Variants in GSR observed in about 807,000 individuals in gnomAD.
The protein encoded by GSR is glutathione reductase, mitochondrial.
A neutral mutation model predicts 56.5 loss-of-function variants in GSR; 48 were observed. The ratio of observed to expected loss-of-function variants is 0.85; its 90% CI spans 0.67 to 1.08. The LOEUF (loss-of-function observed/expected upper bound fraction) is 1.08. Ranked by LOEUF, GSR falls within the 50% of genes least tolerant of loss-of-function variation. The pLI, the probability that GSR is intolerant of heterozygous loss-of-function variation, is 0.00. For missense variants in GSR, 694 were observed against 703.3 expected, an observed-to-expected ratio of 0.99 and a Z score of 0.15; for synonymous variants, 264 against 270.8, an observed-to-expected ratio of 0.97 and a Z score of 0.25.
chr8:30,716,207 GA>G (rs1398383262), intron 1 of GSR, among the ~76,000 whole-genome samples: 1 of 152,224 alleles, frequency 6.6e-6, no homozygotes, highest in Non-Finnish European at 1.5e-5. Flanking sequence ...GCCTGTCCAA[GA>G]TACTGACTCA....
chr8:30,713,934 A>G (rs1035285351), intron 1 of GSR, among the ~76,000 whole-genome samples: 3 of 152,218 alleles, frequency 2.0e-5, no homozygotes, highest in African/African-American at 7.2e-5. Flanking sequence ...GGAAGTAGTA[A>G]ATAGTTATAC....
At position 30,703,139 on chromosome 8, in the gene GSR, G is replaced by T; in HGVS notation, c.594C>A (p.Ile198=). The T allele has an allele frequency of 1.9e-6, 3 of 1,614,128 alleles. No individual in the cohort carries two copies. Among genetic ancestry groups the T allele is most frequent in the Non-Finnish European group, 2.5e-6 (3 of 1,180,004 alleles). ...GKKYTAPHIL[I]ATGGMPSTPH... ...GGGTGGAGGGCATACCACCTGTGGC[G>T]ATCAGGATGTGTGGGGCGGTGTACT... Residue 198 remains isoleucine (I), a synonymous_variant, in exon 5 of 13, where the codon ATC becomes ATA. Transcript: ENST00000221130.
At chr8:30,692,639 T>C (rs1803424750) in intron 8 of GSR, among the ~76,000 whole-genome samples, 1 of 151,542 alleles carries the variant, frequency 6.6e-6, no homozygotes. Context: ...GTAGCTGGGA[T>C]TACAGGTGCA....
intron 1 of GSR, among the ~76,000 whole-genome samples, chr8:30,717,659 C>A (rs1220982895): frequency 2.0e-5 from 3 of 152,064 alleles, no homozygotes; most frequent in African/African-American, 7.2e-5. Flanking sequence ...TGCTGATGAT[C>A]TGTCACTGTC....
At chr8:30,695,674 T>C (rs572264394) in intron 7 of GSR, among the ~76,000 whole-genome samples, 1 of 152,368 alleles carries the variant, frequency 6.6e-6, no homozygotes, top group Admixed American at 6.5e-5. Context: ...GCAAAGAATT[T>C]AGTAAATTGT....
intron 1 of GSR, among the ~76,000 whole-genome samples, chr8:30,726,713 G>A (rs8190888): frequency 6.6e-6 from 1 of 152,144 alleles, no homozygotes; most frequent in Non-Finnish European, 1.5e-5. Context: ...AGTGAGCTAT[G>A]ATGGCCACTG....
rs760023613 is a variant in GSR at position 30,680,982 on chromosome 8, A to G, written c.1341T>C (p.Phe447=). The stretch of plus-strand genomic sequence containing the variant: ...TGGTAACTGCGTGATACATCGGGGT[A>G]AAGCTCGTTGAATAGGTCTTCACAT... ...IENVKTYSTS[F]TPMYHAVTKR... is the part of the protein sequence containing the mutation. Residue 447 remains phenylalanine, a synonymous_variant, in exon 12 of 13, where the codon TTT becomes TTC. Transcript: ENST00000221130. 6.2e-7 allele frequency: 1 copy of G among 1,610,492 alleles called. No individual in the cohort carries two copies. Among genetic ancestry groups the G allele is most frequent in the Admixed American group, 1.7e-5 (1 of 59,998 alleles).
chr8:30,686,524 A>T lies in GSR; in HGVS notation c.1042-2325T>A, dbSNP rs556493103. Among the ~76,000 whole-genome samples the T allele has an allele frequency of 9.9e-4, 150 of 152,124 alleles. 1 individual carries two copies. In the South Asian group the frequency reaches 0.012, roughly 12 times the overall value. The stretch of plus-strand genomic sequence containing the variant: ...ACAGCGAGACCTTGTGTCTACAAAA[A>T]TTTTTTTTAAAAATTAGCCAGGTGT... On this transcript the variant is annotated intron_variant, in intron 9 of 12. Coordinates refer to ENST00000221130, the MANE Select transcript of GSR (RefSeq NM_000637.5).
chr8:30,713,952 C>G (rs1302712300), intron 1 of GSR, among the ~76,000 whole-genome samples: 1 of 152,124 alleles, frequency 6.6e-6, no homozygotes. Context: ...TACATTGAGT[C>G]TGTGGAATAT....
chr8:30,706,604 C>T (rs1393469954), intron 4 of GSR, among the ~76,000 whole-genome samples: 1 of 152,038 alleles, frequency 6.6e-6, no homozygotes, highest in Non-Finnish European at 1.5e-5. Context: ...AAGATATTGT[C>T]AAGGAAAAGG....
chr8:30,700,186 A>C (rs746258311), intron 5 of GSR, 51 bp from the exon 6 acceptor site: 2 of 1,267,056 alleles, frequency 1.6e-6, no homozygotes, highest in Non-Finnish European at 2.3e-6. Flanking sequence ...TTTCTCTTGC[A>C]AAGTAATCAC....
chr8:30,713,884 A>G (rs568258493), intron 1 of GSR, among the ~76,000 whole-genome samples: 4 of 152,214 alleles, frequency 2.6e-5, no homozygotes, highest in African/African-American at 7.2e-5. Context: ...AAGCTTGGTG[A>G]TAACGGGTAA....
chr8:30,710,714 CAA>C (rs60532553), intron 2 of GSR, among the ~76,000 whole-genome samples: 26 of 51,000 alleles, frequency 5.1e-4, no homozygotes, highest in African/African-American at 1.5e-3. Flanking sequence ...GACTCTGTCT[CAA>C]AAAAAAAAAA....
chr8:30,693,012 T>A lies in GSR; in HGVS notation c.839A>T (p.Glu280Val), dbSNP rs1208368139. ...CTCCACGCCAGCGTTCTCCAGCTCCTCCGTGCAGTTGGTGCTGATCATTGA... is the reference window on the plus strand; with the variant it reads ...CTCCACGCCAGCGTTCTCCAGCTCCACCGTGCAGTTGGTGCTGATCATTGA... ...FDSMISTNCT[E>V]ELENAGVEVL... The change falls in exon 8 of 13, where the codon GAG (glutamate) becomes GTG (valine). Residue 280 changes from glutamate (E) to valine (V), a missense_variant. Coordinates refer to ENST00000221130, the MANE Select transcript of GSR (RefSeq NM_000637.5). 6.2e-7 allele frequency: 1 copy of A among 1,612,848 alleles called. No individual in the cohort carries two copies. The highest frequency in any genetic ancestry group is 1.3e-5 in the African/African-American group (1 of 74,892).
At chr8:30,679,804 C>G (rs991445252) in intron 12 of GSR, 135 bp from the exon 13 acceptor site, 1 of 757,358 alleles carries the variant, frequency 1.3e-6, no homozygotes, top group Non-Finnish European at 2.2e-6. Context: ...CTCCCGGGTT[C>G]AAGTGATTCT....
In GSR at chr8:30,689,205, T is replaced by C. The variant is rs1278557448; in HGVS notation, c.997A>G (p.Ile333Val). The C allele has an allele frequency of 1.2e-6, 2 of 1,614,038 alleles. No homozygotes were observed. The highest frequency in any genetic ancestry group is 2.7e-5 in the African/African-American group (2 of 75,032). ...IPDVDCLLWAIGRVPNTKDLS... is the reference protein window; with the variant it reads ...IPDVDCLLWAVGRVPNTKDLS... Reference sequence around the variant, plus strand: ...TCCTTGGTATTCGGGACCCGCCCAATGGCCCAGAGCAGGCAGTCAACATCT... The same window carrying C: ...TCCTTGGTATTCGGGACCCGCCCAACGGCCCAGAGCAGGCAGTCAACATCT... The change falls in exon 9 of 13, where the codon ATT becomes GTT. Residue 333 changes from isoleucine (I) to valine (V), a missense_variant. By Grantham distance (29) the Ile-to-Val change is conservative. Coordinates refer to ENST00000221130, the MANE Select transcript of GSR (RefSeq NM_000637.5).
chr8:30,709,139 C>T (rs1302546003), intron 3 of GSR, among the ~76,000 whole-genome samples: 4 of 152,036 alleles, frequency 2.6e-5, no homozygotes, highest in Non-Finnish European at 4.4e-5. Flanking sequence ...GGGAGGATCA[C>T]TTCAGCTCAG....
At chr8:30,722,374 C>A (rs1165344020) in intron 1 of GSR, among the ~76,000 whole-genome samples, 32 of 152,170 alleles carry the variant, frequency 2.1e-4, no homozygotes, top group Admixed American at 2.1e-3. Flanking sequence ...GTCAATATTG[C>A]AGGAACTGAT....
At chr8:30,713,566 C>T (rs775608361) in intron 1 of GSR, among the ~76,000 whole-genome samples, 1 of 152,068 alleles carries the variant, frequency 6.6e-6, no homozygotes, top group Non-Finnish European at 1.5e-5. Context: ...GCCTTGTTGG[C>T]CAGGCTGGTC....
Sources: gnomAD v4.1 joint callset for allele counts (sites outside exome capture counted in the v4.1 genomes callset) on GRCh38, gnomAD v4.1.1 for gene constraint, MANE v1.5 for transcripts, NCBI Gene and HGNC (gene_info 2026-07-23, HGNC 2026-07-21) for gene names.